The following CSMD3 variants were observed in gnomAD, a reference collection of about 807,000 sequenced individuals.
CSMD3 encodes CUB and Sushi multiple domains 3.
In CSMD3, 177 loss-of-function variants were observed where a neutral mutation model predicts 435.2. That is an observed-to-expected ratio of 0.41 (90% CI 0.36 to 0.46). The LOEUF (loss-of-function observed/expected upper bound fraction) is 0.46. CSMD3 is among the 20% of genes least tolerant of loss of function. CSMD3 has a pLI of 0.34. For synonymous variants in CSMD3, 1,656 were observed against 1,520.5 expected (o/e 1.09, Z -2.07); for missense variants, 4,265 against 4,504.6 (o/e 0.95, Z 1.52).
intron 12 of CSMD3, among the ~76,000 whole-genome samples, chr8:112,819,907 T>C (rs141158849): frequency 2.6e-3 from 399 of 152,270 alleles, no homozygotes; most frequent in Admixed American, 5.8e-3. Context: ...AACTCAGCTA[T>C]TTCCACTTGA....
intron 4 of CSMD3, among the ~76,000 whole-genome samples, chr8:113,136,694 T>G (rs2091426422): frequency 6.6e-6 from 1 of 151,624 alleles, no homozygotes; most frequent in Non-Finnish European, 1.5e-5. Flanking sequence ...TCAGCAAGCA[T>G]TTACTATTTT....
At chr8:113,107,259 G>A (rs1485465762) in intron 4 of CSMD3, among the ~76,000 whole-genome samples, 2 of 152,236 alleles carry the variant, frequency 1.3e-5, no homozygotes, top group Non-Finnish European at 2.9e-5. Flanking sequence ...TGTGGGTCAT[G>A]CAAACGGCAT....
At chr8:112,966,152 A>G (rs1441747624) in intron 7 of CSMD3, among the ~76,000 whole-genome samples, 1 of 151,798 alleles carries the variant, frequency 6.6e-6, no homozygotes, top group East Asian at 1.9e-4. Context: ...CACTTTACCA[A>G]TGTCAAAGTT....
At chr8:112,834,283 C>T (rs2079961288) in intron 11 of CSMD3, among the ~76,000 whole-genome samples, 1 of 151,822 alleles carries the variant, frequency 6.6e-6, no homozygotes, top group African/African-American at 2.4e-5. Context: ...CATACAATTA[C>T]TGAGAAGCTA....
intron 1 of CSMD3, among the ~76,000 whole-genome samples, chr8:113,412,153 G>A (rs1033776108): frequency 3.9e-5 from 6 of 152,070 alleles, no homozygotes; most frequent in Non-Finnish European, 5.9e-5. Context: ...TCACTTGGCC[G>A]GAAATGTTTA....
intron 10 of CSMD3, among the ~76,000 whole-genome samples, chr8:112,861,188 C>T (rs1343589034): frequency 6.6e-6 from 1 of 151,602 alleles, no homozygotes. Context: ...TTTTCTTGTA[C>T]TGATAATAGC....
At chr8:113,288,128 A>G (rs1291867523) in intron 2 of CSMD3, among the ~76,000 whole-genome samples, 1 of 151,876 alleles carries the variant, frequency 6.6e-6, no homozygotes, top group Non-Finnish European at 1.5e-5. Context: ...AGATAAGATG[A>G]TATTGACAGT....
intron 33 of CSMD3, among the ~76,000 whole-genome samples, chr8:112,408,668 C>T (rs1173395150): frequency 6.6e-6 from 1 of 151,650 alleles, no homozygotes; most frequent in Non-Finnish European, 1.5e-5. Flanking sequence ...TTTTATATTA[C>T]ATTAAACACC....
chr8:113,063,511 T>C (rs1028995791), intron 5 of CSMD3, among the ~76,000 whole-genome samples: 1 of 151,994 alleles, frequency 6.6e-6, no homozygotes, highest in African/African-American at 2.4e-5. Flanking sequence ...AAGATTCATG[T>C]CAAGCATGCT....
At chr8:112,395,106 A>G (rs921711841) in intron 35 of CSMD3, among the ~76,000 whole-genome samples, 1 of 152,206 alleles carries the variant, frequency 6.6e-6, no homozygotes, top group African/African-American at 2.4e-5. Context: ...GATACGCAAT[A>G]CCACAATCTA....
intron 4 of CSMD3, among the ~76,000 whole-genome samples, chr8:113,146,943 T>C (rs2131759100): frequency 6.6e-6 from 1 of 151,832 alleles, no homozygotes; most frequent in African/African-American, 2.4e-5. Flanking sequence ...GTGAATTTAA[T>C]TAATGACTAA....
chr8:112,699,380 A>G (rs945900879), intron 13 of CSMD3, among the ~76,000 whole-genome samples: 1 of 152,190 alleles, frequency 6.6e-6, no homozygotes, highest in Non-Finnish European at 1.5e-5. Flanking sequence ...CCACGGCTTC[A>G]TGCTTGAAGT....
At chr8:113,284,750 TG>T (rs2093634179) in intron 2 of CSMD3, among the ~76,000 whole-genome samples, 1 of 152,210 alleles carries the variant, frequency 6.6e-6, no homozygotes, top group Non-Finnish European at 1.5e-5. Flanking sequence ...TTATTTGTAC[TG>T]GTTTTGATAT....
At chr8:113,435,047 A>G (rs966484081) in intron 1 of CSMD3, among the ~76,000 whole-genome samples, 1 of 152,208 alleles carries the variant, frequency 6.6e-6, no homozygotes, top group African/African-American at 2.4e-5. Flanking sequence ...AGGCAGCCCC[A>G]GGGCCATCCA....
chr8:113,060,965 T>A (rs1279851359), intron 5 of CSMD3, among the ~76,000 whole-genome samples: 1 of 152,170 alleles, frequency 6.6e-6, no homozygotes, highest in Non-Finnish European at 1.5e-5. Context: ...CTATTTCTTT[T>A]CTATACAATT....
intron 31 of CSMD3, among the ~76,000 whole-genome samples, chr8:112,489,556 G>T (rs949106789): frequency 2.0e-5 from 3 of 152,176 alleles, no homozygotes; most frequent in Non-Finnish European, 4.4e-5. Context: ...CTTATTGTGT[G>T]ACAGTGACAG....
chr8:113,401,600 A>G (rs868709565), intron 1 of CSMD3, among the ~76,000 whole-genome samples: 7 of 151,642 alleles, frequency 4.6e-5, no homozygotes, highest in African/African-American at 1.7e-4. Flanking sequence ...ATTTCAATCT[A>G]TGTATTTTTA....
chr8:113,231,698 C>G (rs753941807), intron 3 of CSMD3, among the ~76,000 whole-genome samples: 7 of 151,426 alleles, frequency 4.6e-5, no homozygotes, highest in Non-Finnish European at 1.0e-4. Context: ...TACTTTCTGA[C>G]AGGCAGAGAT....
intron 30 of CSMD3, among the ~76,000 whole-genome samples, 172 bp from the exon 31 acceptor site, chr8:112,492,855 A>G (rs1820836833): frequency 6.6e-6 from 1 of 152,152 alleles, no homozygotes; most frequent in East Asian, 1.9e-4. Flanking sequence ...CCTAAATAAC[A>G]TAGTATAACA....
Sources: gnomAD v4.1 joint callset for allele counts (sites outside exome capture counted in the v4.1 genomes callset) on GRCh38, gnomAD v4.1.1 for gene constraint, MANE v1.5 for transcripts, NCBI Gene and HGNC (gene_info 2026-07-23, HGNC 2026-07-21) for gene names.